Variants in PTPRT observed in about 807,000 individuals in gnomAD.
The protein encoded by PTPRT is receptor-type tyrosine-protein phosphatase T.
A neutral mutation model predicts 176.8 loss-of-function variants in PTPRT; 56 were observed. The ratio of observed to expected loss-of-function variants is 0.32; its 90% CI spans 0.26 to 0.40. PTPRT has a LOEUF of 0.40. Ranked by LOEUF, PTPRT falls within the 10% of genes least tolerant of loss-of-function variation. The pLI is 1.00. For missense variants in PTPRT, 1,540 were observed against 1,908.2 expected, an observed-to-expected ratio of 0.81 and a Z score of 3.60; for synonymous variants, 783 against 739.0, an observed-to-expected ratio of 1.06 and a Z score of -0.96.
At chr20:42,474,850 C>T (rs1452274017) in intron 7 of PTPRT, among the ~76,000 whole-genome samples, 1 of 152,134 alleles carries the variant, frequency 6.6e-6, no homozygotes, top group Non-Finnish European at 1.5e-5. Context: ...GGCAGAGAGC[C>T]ACTGCCCCTG....
At chr20:43,085,636 T>G (rs1008292667) in intron 1 of PTPRT, among the ~76,000 whole-genome samples, 1 of 152,032 alleles carries the variant, frequency 6.6e-6, no homozygotes. Context: ...ATAGAGCAGG[T>G]GCAGGGGAAC....
chr20:42,932,234 A>AG (rs1433897793), intron 1 of PTPRT, among the ~76,000 whole-genome samples: 1 of 152,236 alleles, frequency 6.6e-6, no homozygotes, highest in Non-Finnish European at 1.5e-5. Flanking sequence ...AGCCAAGCCT[A>AG]GGGGAAATCT....
chr20:42,541,845 A>G (rs1434015350), intron 7 of PTPRT, among the ~76,000 whole-genome samples: 1 of 151,616 alleles, frequency 6.6e-6, no homozygotes, highest in Admixed American at 6.6e-5. Context: ...TTTAAAATTA[A>G]AATTTTAAAA....
chr20:43,144,087 C>A (rs2014096804), intron 1 of PTPRT, among the ~76,000 whole-genome samples: 1 of 152,166 alleles, frequency 6.6e-6, no homozygotes, highest in South Asian at 2.1e-4. Flanking sequence ...CTGCCCTCGG[C>A]CCTTCTCAAT....
intron 3 of PTPRT, among the ~76,000 whole-genome samples, chr20:42,783,937 G>A (rs1973949): frequency 0.29 from 43,770 of 151,986 alleles, 8,123 homozygotes; most frequent in Non-Finnish European, 0.41. Context: ...AATGGAGGCC[G>A]AGACCCTGAG....
chr20:42,855,694 A>C (rs1002508548), intron 2 of PTPRT, among the ~76,000 whole-genome samples: 1 of 152,088 alleles, frequency 6.6e-6, no homozygotes, highest in African/African-American at 2.4e-5. Flanking sequence ...AGCCTCCCAA[A>C]GTGCTGGTAT....
chr20:42,473,477 C>T (rs979211986), intron 7 of PTPRT, among the ~76,000 whole-genome samples: 7 of 151,798 alleles, frequency 4.6e-5, no homozygotes, highest in Admixed American at 3.9e-4. Flanking sequence ...TTTGGGGTGG[C>T]TTGTTTTGTT....
chr20:42,713,374 T>G (rs560597397), intron 6 of PTPRT, among the ~76,000 whole-genome samples: 1 of 152,170 alleles, frequency 6.6e-6, no homozygotes, highest in Non-Finnish European at 1.5e-5. Flanking sequence ...ATCAAGAAAA[T>G]TCCCAAAAGC....
chr20:43,016,846 C>T (rs952184741), intron 1 of PTPRT, among the ~76,000 whole-genome samples: 1 of 151,810 alleles, frequency 6.6e-6, no homozygotes, highest in Non-Finnish European at 1.5e-5. Flanking sequence ...CCTCTCACTG[C>T]CTATCTCCTT....
chr20:42,160,663 C>T (rs531735064), intron 17 of PTPRT, among the ~76,000 whole-genome samples: 3 of 152,138 alleles, frequency 2.0e-5, no homozygotes, highest in African/African-American at 7.2e-5. Context: ...AGAAGAACAA[C>T]GTTGTATTGA....
intron 7 of PTPRT, among the ~76,000 whole-genome samples, chr20:42,611,491 C>T (rs2073975341): frequency 6.6e-6 from 1 of 152,166 alleles, no homozygotes; most frequent in Admixed American, 6.5e-5. Context: ...GTCAAGGTTG[C>T]AAAGCTGGTA....
At chr20:42,035,112 T>C in the PTPRT span, among the ~76,000 whole-genome samples, 1 of 152,162 alleles carries the variant, frequency 6.6e-6, no homozygotes. Context: ...CCCATGTCCG[T>C]CTGGGACATG....
chr20:42,592,574 A>G (rs114959648), intron 7 of PTPRT, among the ~76,000 whole-genome samples: 4,698 of 152,272 alleles, frequency 0.031, 100 homozygotes, highest in Middle Eastern at 0.085. Flanking sequence ...GAAGCTTGGG[A>G]GGCATTAAAT....
intron 27 of PTPRT, among the ~76,000 whole-genome samples, chr20:42,094,124 C>G (rs946858940): frequency 6.6e-6 from 1 of 152,148 alleles, no homozygotes; most frequent in South Asian, 2.1e-4. Flanking sequence ...TTATATGTCC[C>G]GAAGTGAAGT....
chr20:42,167,702 C>T (rs1403344197), intron 16 of PTPRT, among the ~76,000 whole-genome samples: 1 of 152,162 alleles, frequency 6.6e-6, no homozygotes, highest in Admixed American at 6.5e-5. Flanking sequence ...AGTGGGGATG[C>T]AACTGGAACC....
chr20:43,072,916 C>G (rs1369482059), intron 1 of PTPRT, among the ~76,000 whole-genome samples: 1 of 152,162 alleles, frequency 6.6e-6, no homozygotes, highest in African/African-American at 2.4e-5. Context: ...TTTAAGTTTC[C>G]ACCAAGCTCA....
At chr20:42,866,810 C>T (rs979189038) in intron 2 of PTPRT, among the ~76,000 whole-genome samples, 2 of 152,160 alleles carry the variant, frequency 1.3e-5, no homozygotes, top group African/African-American at 4.8e-5. Flanking sequence ...AATCACACTG[C>T]CACTTCTGTG....
chr20:42,200,055 A>G (rs1991387946), intron 15 of PTPRT, among the ~76,000 whole-genome samples: 1 of 106,474 alleles, frequency 9.4e-6, no homozygotes, highest in South Asian at 2.8e-4. Flanking sequence ...AAGAGTCACA[A>G]AAAAATACAC....
At chr20:42,369,027 T>C (rs2058552109) in intron 9 of PTPRT, among the ~76,000 whole-genome samples, 1 of 151,198 alleles carries the variant, frequency 6.6e-6, no homozygotes. Context: ...TCCCCTTCCT[T>C]CCTCCCTTCT....
Sources: allele counts gnomAD v4.1 joint callset (sites outside exome capture counted in the v4.1 genomes callset), GRCh38; gene constraint gnomAD v4.1.1; transcripts MANE v1.5; gene names NCBI Gene and HGNC (gene_info 2026-07-23, HGNC 2026-07-21).